Variants in ZC3H6 observed in about 807,000 individuals in gnomAD.
ZC3H6 encodes the protein zinc finger CCCH-type containing 6, also known as zinc finger CCCH domain-containing protein 6.
A neutral mutation model predicts 107.7 loss-of-function variants in ZC3H6; 40 were observed. The observed-to-expected ratio is 0.37, with a 90% confidence interval of 0.29 to 0.48. The LOEUF (loss-of-function observed/expected upper bound fraction) is 0.48. Among genes scored for constraint, ZC3H6 ranks in the 20% least tolerant of loss-of-function variants. The pLI, the probability that ZC3H6 is intolerant of heterozygous loss-of-function variation, is 0.98. For missense variants in ZC3H6, 1,267 were observed against 1,410.4 expected (o/e 0.90, Z 1.63); for synonymous variants, 493 against 487.9 (o/e 1.01, Z -0.14).
intron 11 of ZC3H6, among the ~76,000 whole-genome samples, chr2:112,330,190 C>A (rs1031387437): frequency 6.6e-6 from 1 of 151,796 alleles, no homozygotes; most frequent in African/African-American, 2.4e-5. Flanking sequence ...GTAGCTGGGA[C>A]TACATGTGCC....
In ZC3H6 at chr2:112,339,063, T is replaced by A. The variant is rs1235114755; in HGVS notation, c.*6575T>A. 1 of 151,624 alleles carries A rather than the reference T, an allele frequency of 6.6e-6. No homozygotes were observed. 9.4% of individuals were successfully genotyped at this position (151,624 alleles called of 1,614,324 possible). A position where few individuals can be genotyped will look rare whatever the true frequency, so the allele number is the denominator to read the frequency against. ...CCTGCCACCACACCCAGCTAATTTTTCGTATTTTTTAGTAGAGATGGGGTT... is the reference window on the plus strand; with the variant it reads ...CCTGCCACCACACCCAGCTAATTTTACGTATTTTTTAGTAGAGATGGGGTT... On this transcript the variant is annotated 3_prime_UTR_variant, in exon 12 of 12. Coordinates refer to ENST00000409871, the MANE Select transcript of ZC3H6 (RefSeq NM_198581.3).
chr2:112,318,516 TAC>T (rs1676742186), intron 7 of ZC3H6, among the ~76,000 whole-genome samples: 1 of 152,144 alleles, frequency 6.6e-6, no homozygotes, highest in African/African-American at 2.4e-5. Flanking sequence ...TCCCAAAACA[TAC>T]AGAAAGATGT....
intron 6 of ZC3H6, among the ~76,000 whole-genome samples, chr2:112,316,824 AG>A (rs1676706725): frequency 6.6e-6 from 1 of 152,240 alleles, no homozygotes; most frequent in African/African-American, 2.4e-5. Flanking sequence ...CTACGTGGCA[AG>A]TACTGTTCAA....
At chr2:112,280,220 A>G (rs552911658) in intron 1 of ZC3H6, among the ~76,000 whole-genome samples, 3 of 152,328 alleles carry the variant, frequency 2.0e-5, no homozygotes, top group Middle Eastern at 3.4e-3. Context: ...GTAAATTAGT[A>G]TGTTCCGTGG....
intron 4 of ZC3H6, among the ~76,000 whole-genome samples, chr2:112,310,368 A>G (rs1573958186): frequency 6.6e-6 from 1 of 152,218 alleles, no homozygotes; most frequent in East Asian, 1.9e-4. Context: ...AGTTGGAAAG[A>G]TATTCTAATG....
chr2:112,276,128 T>C, intron 1 of ZC3H6, 102 bp downstream of exon 1: 4 of 999,026 alleles, frequency 4.0e-6, no homozygotes, highest in Non-Finnish European at 4.4e-6. Flanking sequence ...CCTAGACGTC[T>C]CTGTGTGGCT....
chr2:112,330,971 A>G, intron 11 of ZC3H6, 34 bp from the exon 12 acceptor site: 1 of 1,130,000 alleles, frequency 8.8e-7, no homozygotes, highest in East Asian at 3.1e-5. Context: ...AGTTTATAAT[A>G]TAAAGTTTAT....
intron 11 of ZC3H6, 80 bp from the exon 12 acceptor site, chr2:112,330,917 AAGAATAAT>A: frequency 1.8e-6 from 1 of 568,000 alleles, no homozygotes; most frequent in Non-Finnish European, 2.4e-6. Context: ...CCATATTATA[AAGAATAAT>A]TTATAATTAT....
rs183111367 is a variant in ZC3H6, at chr2:112,314,702, T to C, written c.748-1768T>C. ...TTTATAACAGCCATGATTCTTTGTATAGAATGCCTATGTGAGCTGGTCATT... is the reference window on the plus strand; with the variant it reads ...TTTATAACAGCCATGATTCTTTGTACAGAATGCCTATGTGAGCTGGTCATT... On this transcript the variant is annotated intron_variant, in intron 5 of 11. Transcript: ENST00000409871. 3.9e-4 allele frequency among the ~76,000 whole-genome samples: 60 copies of C among 152,316 alleles called. 1 individual carries two copies. The highest frequency in any genetic ancestry group is 1.4e-3 in the African/African-American group (57 of 41,582).
chr2:112,280,159 T>A (rs1432393314), intron 1 of ZC3H6, among the ~76,000 whole-genome samples: 1 of 152,228 alleles, frequency 6.6e-6, no homozygotes, highest in Non-Finnish European at 1.5e-5. Flanking sequence ...AAATTGCAGA[T>A]GCCTTTTCTC....
chr2:112,309,430 AT>A (rs1270047201), intron 3 of ZC3H6, among the ~76,000 whole-genome samples: 1 of 152,104 alleles, frequency 6.6e-6, no homozygotes, highest in African/African-American at 2.4e-5. Context: ...TTTTTATAAA[AT>A]TTTCCACACA....
At chr2:112,325,309 C>G in intron 11 of ZC3H6, 112 bp downstream of exon 11, 4 of 952,506 alleles carry the variant, frequency 4.2e-6, no homozygotes, top group African/African-American at 3.3e-5. Flanking sequence ...ACCTGGCCAA[C>G]ATGGTGAAAC....
At chr2:112,316,991 C>T (rs917260777) in intron 6 of ZC3H6, among the ~76,000 whole-genome samples, 5 of 152,278 alleles carry the variant, frequency 3.3e-5, no homozygotes, top group African/African-American at 4.8e-5. Context: ...CAGGCAGTAT[C>T]CTGTGAGGTC....
intron 1 of ZC3H6, 122 bp downstream of exon 1, chr2:112,276,148 C>A: frequency 2.5e-6 from 2 of 806,826 alleles, no homozygotes; most frequent in Non-Finnish European, 3.8e-6. Flanking sequence ...TCCGTCAGTT[C>A]CATGACGCGC....
chr2:112,309,914 A>C lies in ZC3H6; in HGVS notation c.366A>C (p.Thr122=). 2 of 1,589,746 alleles carry C rather than the reference A, an allele frequency of 1.3e-6. No individual in the cohort carries two copies. The highest frequency in any genetic ancestry group is 1.7e-6 in the Non-Finnish European group (2 of 1,167,110). ...QRGHISGSYI[T]SKKGQHNKKF... ...GACATATATCAGGAAGCTACATAAC[A>C]TCAAAGAAGGGTCAACATAACAAAA... The change falls in exon 4 of 12, where the codon ACA becomes ACC. Residue 122 remains threonine, a synonymous_variant. Transcript: ENST00000409871.
intron 4 of ZC3H6, 108 bp downstream of exon 4, chr2:112,310,269 T>A (rs1474075447): frequency 1.8e-6 from 2 of 1,087,472 alleles, no homozygotes; most frequent in African/African-American, 3.2e-5. Flanking sequence ...AGCTTATTCT[T>A]GTAGAACCTA....
chr2:112,311,930 T>A lies in ZC3H6; in HGVS notation c.740T>A (p.Phe247Tyr). 6.2e-7 allele frequency: 1 copy of A among 1,611,054 alleles called. No individual in the cohort carries two copies. The highest frequency in any genetic ancestry group is 1.3e-5 in the African/African-American group (1 of 74,870). The part of the protein sequence containing the change: ...GPNVFSVSDD[F>Y]QEYNKPGKKW... ...AATGTGTTTTCAGTATCGGATGACT[T>A]TCAAGAGGTACTAAGAATTTATGTA... The change falls in exon 5 of 12, where the codon TTT becomes TAT. Residue 247 changes from phenylalanine (F) to tyrosine (Y), a missense_variant. Phe to Tyr is a conservative substitution (Grantham distance 22). Transcript: ENST00000409871.
chr2:112,332,587 T>C lies in ZC3H6; in HGVS notation c.*99T>C. 1 of 1,243,132 alleles carries C rather than the reference T, an allele frequency of 8.0e-7. No individual in the cohort carries two copies. Among genetic ancestry groups the C allele is most frequent in the Non-Finnish European group, 1.1e-6 (1 of 911,816 alleles). 77.0% of individuals were successfully genotyped at this position (1,243,132 alleles called of 1,614,324 possible). ...CTCTATAGTTTATTTATTTTTAAAT[T>C]ATAAACACTTTTCAGCTGCTAGTAT... On this transcript the variant is annotated 3_prime_UTR_variant, in exon 12 of 12. Coordinates refer to ENST00000409871, the MANE Select transcript of ZC3H6 (RefSeq NM_198581.3).
At chr2:112,295,520 G>T (rs1040481519) in intron 1 of ZC3H6, among the ~76,000 whole-genome samples, 1 of 152,110 alleles carries the variant, frequency 6.6e-6, no homozygotes, top group Non-Finnish European at 1.5e-5. Flanking sequence ...TTTGGTGATA[G>T]AGCTGGAATT....
Sources: gnomAD v4.1 joint callset for allele counts (sites outside exome capture counted in the v4.1 genomes callset) on GRCh38, gnomAD v4.1.1 for gene constraint, MANE v1.5 for transcripts, NCBI Gene and HGNC (gene_info 2026-07-23, HGNC 2026-07-21) for gene names.